The following NCOA3 variants were observed in gnomAD, a reference collection of about 807,000 sequenced individuals.
NCOA3 encodes the protein nuclear receptor coactivator 3.
Under a neutral mutation model 158.8 loss-of-function variants are expected in NCOA3, and 51 were observed. The ratio of observed to expected loss-of-function variants is 0.32; its 90% confidence interval spans 0.26 to 0.41. The LOEUF (loss-of-function observed/expected upper bound fraction) is 0.41, where lower values mean the gene tolerates loss of function less well. NCOA3 is among the 10% of genes least tolerant of loss of function. The pLI is 1.00. For missense variants in NCOA3, 1,510 were observed against 1,746.6 expected, an observed-to-expected ratio of 0.86 and a Z score of 2.41; for synonymous variants, 537 against 592.4, an observed-to-expected ratio of 0.91 and a Z score of 1.36.
intron 1 of NCOA3, among the ~76,000 whole-genome samples, chr20:47,568,311 T>C (rs1039606951): frequency 6.6e-6 from 1 of 152,100 alleles, no homozygotes; most frequent in African/African-American, 2.4e-5. Context: ...TTTTCTGTTA[T>C]CTTTGGAATA....
At chr20:47,511,556 T>TATATATATATA (rs1569310943) in intron 1 of NCOA3, among the ~76,000 whole-genome samples, 5 of 30,180 alleles carry the variant, frequency 1.7e-4, no homozygotes, top group Non-Finnish European at 2.1e-4. Context: ...TATATATATA[T>TATATATATATA]TTCTTTTTTT....
intron 1 of NCOA3, among the ~76,000 whole-genome samples, chr20:47,506,094 C>A (rs1215328132): frequency 6.6e-6 from 1 of 152,242 alleles, no homozygotes; most frequent in South Asian, 2.1e-4. Flanking sequence ...CGTGAGCCAC[C>A]GCTCCCGGCC....
intron 1 of NCOA3, among the ~76,000 whole-genome samples, chr20:47,574,125 C>T (rs1411660701): frequency 6.6e-6 from 1 of 152,004 alleles, no homozygotes; most frequent in East Asian, 1.9e-4. Context: ...CACTTTTGAA[C>T]ATATAGACAA....
intron 1 of NCOA3, among the ~76,000 whole-genome samples, chr20:47,538,201 CTT>C (rs2084665921): frequency 6.6e-6 from 1 of 152,116 alleles, no homozygotes; most frequent in South Asian, 2.1e-4. Flanking sequence ...TAAGCTCTAA[CTT>C]TGGGGGAAAA....
intron 10 of NCOA3, among the ~76,000 whole-genome samples, chr20:47,634,763 T>C (rs913005518): frequency 2.6e-5 from 4 of 152,152 alleles, no homozygotes; most frequent in African/African-American, 7.2e-5. Flanking sequence ...CTGAAAAATA[T>C]GTTACTAGGT....
At chr20:47,591,980 T>A (rs545396104) in intron 2 of NCOA3, among the ~76,000 whole-genome samples, 1 of 152,342 alleles carries the variant, frequency 6.6e-6, no homozygotes, top group Admixed American at 6.5e-5. Context: ...GTACTTTTTC[T>A]GCATCTCTGC....
chr20:47,630,115 C>T (rs2086388654), intron 8 of NCOA3, among the ~76,000 whole-genome samples: 1 of 152,138 alleles, frequency 6.6e-6, no homozygotes, highest in Non-Finnish European at 1.5e-5. Context: ...TGGCCCAGGG[C>T]TAAACTCAGG....
chr20:47,614,767 C>T (rs1382612082), intron 2 of NCOA3, among the ~76,000 whole-genome samples: 6 of 152,104 alleles, frequency 3.9e-5, no homozygotes, highest in South Asian at 2.1e-4. Context: ...TAGACCACCA[C>T]GAAGGGCAGT....
intron 2 of NCOA3, among the ~76,000 whole-genome samples, chr20:47,602,249 C>T (rs1180464202): frequency 6.6e-6 from 1 of 152,038 alleles, no homozygotes; most frequent in East Asian, 1.9e-4. Context: ...AAATTTTGTC[C>T]TGTTGTAGAA....
intron 1 of NCOA3, among the ~76,000 whole-genome samples, chr20:47,563,416 TAG>T (rs2085139108): frequency 6.6e-6 from 1 of 152,160 alleles, no homozygotes; most frequent in South Asian, 2.1e-4. Context: ...GTAGAAGGAA[TAG>T]ATAGGCTATC....
At chr20:47,607,090 A>T (rs533013433) in intron 2 of NCOA3, among the ~76,000 whole-genome samples, 8 of 152,374 alleles carry the variant, frequency 5.3e-5, no homozygotes, top group Admixed American at 5.2e-4. Flanking sequence ...TGGGTTAAAG[A>T]TCTGTTCAGA....
chr20:47,512,799 T>C (rs2084168727), intron 1 of NCOA3, among the ~76,000 whole-genome samples: 1 of 152,194 alleles, frequency 6.6e-6, no homozygotes, highest in African/African-American at 2.4e-5. Flanking sequence ...CATACGTGGA[T>C]ACATGGCTAG....
intron 13 of NCOA3, 142 bp from the exon 14 acceptor site, chr20:47,638,866 C>A: frequency 1.5e-6 from 1 of 682,044 alleles, no homozygotes; most frequent in South Asian, 3.7e-5. Flanking sequence ...GGCCACTTCC[C>A]TCACTTATTT....
chr20:47,536,278 A>G (rs1181625772), intron 1 of NCOA3, among the ~76,000 whole-genome samples: 1 of 152,112 alleles, frequency 6.6e-6, no homozygotes, highest in African/African-American at 2.4e-5. Flanking sequence ...ATGCCCAGCT[A>G]ATATGATAAA....
At chr20:47,558,062 T>TC (rs201196813) in intron 1 of NCOA3, among the ~76,000 whole-genome samples, 70 of 149,072 alleles carry the variant, frequency 4.7e-4, no homozygotes, top group African/African-American at 1.5e-3. Flanking sequence ...TTTCTTTCTT[T>TC]TTTTTTTTTT....
chr20:47,536,028 C>T (rs969501587), intron 1 of NCOA3, among the ~76,000 whole-genome samples: 3 of 152,168 alleles, frequency 2.0e-5, no homozygotes, highest in Admixed American at 6.5e-5. Flanking sequence ...CTGTTCCTCT[C>T]GATGTCCAGC....
intron 1 of NCOA3, among the ~76,000 whole-genome samples, chr20:47,503,921 T>C (rs1470392693): frequency 6.6e-6 from 1 of 152,210 alleles, no homozygotes; most frequent in African/African-American, 2.4e-5. Flanking sequence ...TGGAAATGAC[T>C]TAATTGTCCA....
chr20:47,542,529 A>G (rs2084761417), intron 1 of NCOA3, among the ~76,000 whole-genome samples: 1 of 152,144 alleles, frequency 6.6e-6, no homozygotes, highest in Admixed American at 6.5e-5. Context: ...TTATCTCCAA[A>G]CTTGACATCT....
chr20:47,540,676 C>G (rs1321135051), intron 1 of NCOA3, among the ~76,000 whole-genome samples: 3 of 152,002 alleles, frequency 2.0e-5, no homozygotes, highest in Non-Finnish European at 4.4e-5. Flanking sequence ...CTCTTCTTCT[C>G]AAGGAATTTA....
Sources: gnomAD v4.1 joint callset for allele counts (sites outside exome capture counted in the v4.1 genomes callset) on GRCh38, gnomAD v4.1.1 for gene constraint, MANE v1.5 for transcripts, NCBI Gene and HGNC (gene_info 2026-07-23, HGNC 2026-07-21) for gene names.